Variants in AMOT observed in about 807,000 individuals in gnomAD.
The protein encoded by AMOT is angiomotin.
In AMOT, 11 loss-of-function variants were observed where a neutral mutation model predicts 67.0. That is an observed-to-expected ratio of 0.16 (90% CI 0.10 to 0.27). The LOEUF is 0.27. Ranked by LOEUF, AMOT falls within the 10% of genes least tolerant of loss-of-function variation. The pLI is 1.00. For synonymous variants in AMOT, 326 were observed against 321.4 expected, an observed-to-expected ratio of 1.01 and a Z score of -0.15; for missense variants, 753 against 852.0, an observed-to-expected ratio of 0.88 and a Z score of 1.45.
chrX:112,836,088 T>C (rs1884426047), intron 1 of AMOT, among the ~76,000 whole-genome samples: 1 of 112,231 alleles, frequency 8.9e-6, no homozygotes, highest in African/African-American at 3.2e-5. Flanking sequence ...AATTTAAACA[T>C]ATTATTTTCC....
rs57201849 is a variant in AMOT at position 112,809,910 on chromosome X, C to A, written c.1614G>T (p.Ser538=). The A allele has an allele frequency of 5.8e-6, 7 of 1,209,399 alleles. No homozygotes were observed. Among genetic ancestry groups the A allele is most frequent in the East Asian group, 3.0e-5 (1 of 33,762 alleles). Residue 538 remains serine (S), a synonymous_variant, in exon 7 of 14, where the codon TCG becomes TCT. Coordinates refer to ENST00000371959, the MANE Select transcript of AMOT (RefSeq NM_001113490.2). ...CAGACTTACTTTTTGCAAAGAGCTG[C>A]GAGATGGTTTTTCTGGTGTCCTCTG... The part of the protein sequence containing the change: ...EGSEDTRKTI[S]QLFAKNKESQ...
intron 2 of AMOT, among the ~76,000 whole-genome samples, chrX:112,827,582 T>C (rs1328260100): frequency 8.9e-6 from 1 of 111,946 alleles, no homozygotes; most frequent in African/African-American, 3.3e-5. Flanking sequence ...AAAAGAATAA[T>C]TGCGGTTCTG....
chrX:112,813,033 GC>G (rs1006622471), intron 5 of AMOT, among the ~76,000 whole-genome samples: 1 of 112,775 alleles, frequency 8.9e-6, no homozygotes, highest in African/African-American at 3.2e-5. Flanking sequence ...AAACTCAAGC[GC>G]TGGGGAGAGA....
At chrX:112,809,787 G>A (rs754650522) in intron 7 of AMOT, 107 bp downstream of exon 7, 21 of 625,995 alleles carry the variant, frequency 3.4e-5, no homozygotes, top group Non-Finnish European at 5.0e-5. Context: ...AGGTGATATT[G>A]ACTCTGCCCT....
intron 10 of AMOT, among the ~76,000 whole-genome samples, chrX:112,790,213 T>A (rs1933520385): frequency 1.9e-5 from 2 of 107,977 alleles, no homozygotes; most frequent in South Asian, 9.0e-4. Context: ...TGACATTTAG[T>A]TTCTGAGTGG....
rs1934021118 is a variant in AMOT, at chrX:112,801,640, G to A, written c.1776+3307C>T. Among the ~76,000 whole-genome samples the A allele has an allele frequency of 4.5e-5, 5 of 112,266 alleles. No homozygotes were observed. The South Asian group carries it at 1.9e-3, about 42-fold the overall frequency. On this transcript the variant is annotated intron_variant, in intron 8 of 13. Transcript: ENST00000371959. Reference sequence around the variant, plus strand: ...ATGTAGAGTTTAGAGCACAGTGATTGTAGAGAACCTCAGGCAAGAGAGTTA... The same window carrying A: ...ATGTAGAGTTTAGAGCACAGTGATTATAGAGAACCTCAGGCAAGAGAGTTA...
intron 8 of AMOT, among the ~76,000 whole-genome samples, chrX:112,797,538 T>G (rs982469104): frequency 3.6e-5 from 4 of 111,635 alleles, no homozygotes; most frequent in African/African-American, 1.3e-4. Context: ...CCCAGCACTT[T>G]GGGAGGCTGA....
chrX:112,808,349 C>T (rs764886868), intron 7 of AMOT, among the ~76,000 whole-genome samples: 5 of 111,370 alleles, frequency 4.5e-5, no homozygotes, highest in Non-Finnish European at 7.5e-5. Flanking sequence ...TCTACTATAC[C>T]GGGCTGCCTT....
In AMOT at chrX:112,798,631, T is replaced by C. The variant is rs1199999187; in HGVS notation, c.1776+6316A>G. ...TTACATTCAAGAACAAAAATGAGCA[T>C]AGTATAGCTTATCTACAACACTGCA... On this transcript the variant is annotated intron_variant, in intron 8 of 13. Transcript: ENST00000371959. Among the ~76,000 whole-genome samples the C allele has an allele frequency of 4.5e-5, 5 of 112,339 alleles. No homozygotes were observed. The East Asian group carries it at 1.1e-3, about 25-fold the overall frequency.
intron 4 of AMOT, among the ~76,000 whole-genome samples, chrX:112,819,987 G>GT (rs1340857518): frequency 4.5e-5 from 5 of 112,160 alleles, no homozygotes; most frequent in African/African-American, 1.6e-4. Flanking sequence ...GAGGGAAAAT[G>GT]TGTCACCACC....
At chrX:112,835,827 G>A (rs932413181) in intron 1 of AMOT, among the ~76,000 whole-genome samples, 5 of 111,031 alleles carry the variant, frequency 4.5e-5, no homozygotes, top group African/African-American at 9.8e-5. Context: ...TAGGTGATCC[G>A]CCCGCCTCTG....
Position 112,815,556 on chromosome X carries a change from C to T in AMOT, c.1194G>A (p.Gln398=), listed in dbSNP as rs755033228. The part of the protein sequence containing the change: ...HHHHQQQQQQ[Q]PQQQPGEAYS... ...AGGCTTCTCCTGGCTGCTGCTGTGG[C>T]TGCTGCTGCTGCTGTTGTTGGTGGT... is the stretch of plus-strand genomic sequence containing the variant. The change falls in exon 5 of 14, where the codon CAG becomes CAA. Residue 398 remains glutamine, a synonymous_variant. Coordinates refer to ENST00000371959, the MANE Select transcript of AMOT (RefSeq NM_001113490.2). 20 of 1,205,124 alleles carry T rather than the reference C, an allele frequency of 1.7e-5. No homozygotes were observed. Among genetic ancestry groups the T allele is most frequent in the South Asian group, 8.8e-5 (5 of 56,499 alleles).
rs528964890 is a variant in AMOT, at chrX:112,775,175, T to C, written c.*3392A>G. The C allele has an allele frequency of 9.3e-4, 105 of 112,511 alleles. No individual in the cohort carries two copies. The highest frequency in any genetic ancestry group is 3.2e-3 in the African/African-American group (99 of 30,989). 9.3% of individuals were successfully genotyped at this position (112,511 alleles called of 1,213,427 possible). ...AACAAACTCCCGACACTTGTCCTAC[T>C]GATGATGGATGGCACTTGGAAGACA... On this transcript the variant is annotated 3_prime_UTR_variant, in exon 14 of 14. Transcript: ENST00000371959.
chrX:112,802,456 C>T (rs760362362), intron 8 of AMOT, among the ~76,000 whole-genome samples: 50 of 112,418 alleles, frequency 4.4e-4, no homozygotes, highest in Middle Eastern at 4.6e-3. Context: ...GAGATGTGGT[C>T]TTCCAAGCGT....
intron 2 of AMOT, among the ~76,000 whole-genome samples, chrX:112,826,545 G>A (rs1934846138): frequency 8.9e-6 from 1 of 111,911 alleles, no homozygotes; most frequent in African/African-American, 3.2e-5. Context: ...TTGAAGCAGA[G>A]GAACAACTTC....
At chrX:112,804,911 A>ACCCCC in intron 8 of AMOT, 36 bp downstream of exon 8, 1 of 490,723 alleles carries the variant, frequency 2.0e-6, no homozygotes, top group Non-Finnish European at 3.4e-6. Flanking sequence ...CAGCCCTCCC[A>ACCCCC]CCCCCAGGCT....
intron 2 of AMOT, among the ~76,000 whole-genome samples, chrX:112,826,524 C>T (rs1371670196): frequency 3.6e-5 from 4 of 111,979 alleles, no homozygotes; most frequent in Admixed American, 1.9e-4. Flanking sequence ...TTTAGGGTAT[C>T]TCCCCTAATT....
chrX:112,838,879 T>G (rs953783450), intron 1 of AMOT, among the ~76,000 whole-genome samples: 2 of 112,312 alleles, frequency 1.8e-5, no homozygotes, highest in Admixed American at 1.9e-4. Flanking sequence ...AGAAAGTGTC[T>G]GTCAATGACG....
At chrX:112,795,559 G>A (rs1291794647) in intron 8 of AMOT, among the ~76,000 whole-genome samples, 1 of 110,931 alleles carries the variant, frequency 9.0e-6, no homozygotes, top group Admixed American at 9.6e-5. Flanking sequence ...TGGCAGAGTC[G>A]AACAGCTGAA....
Sources: gnomAD v4.1 joint callset for allele counts (sites outside exome capture counted in the v4.1 genomes callset) on GRCh38, gnomAD v4.1.1 for gene constraint, MANE v1.5 for transcripts, NCBI Gene and HGNC (gene_info 2026-07-23, HGNC 2026-07-21) for gene names.